The following DNAI7 variants were observed in gnomAD, a reference collection of about 807,000 sequenced individuals.
The protein encoded by DNAI7 is dynein axonemal intermediate chain 7.
DNAI7 carries 78 observed loss-of-function variants against 86.6 expected under a neutral mutation model. That is an observed-to-expected ratio of 0.90 (90% CI 0.75 to 1.09). DNAI7 has a LOEUF of 1.09. Ranked by LOEUF, DNAI7 falls within the 50% of genes least tolerant of loss-of-function variation. The pLI, the probability that DNAI7 is intolerant of heterozygous loss-of-function variation, is 0.00. For missense variants in DNAI7, 753 were observed against 810.2 expected, an observed-to-expected ratio of 0.93 and a Z score of 0.86; for synonymous variants, 274 against 273.0, an observed-to-expected ratio of 1.00 and a Z score of -0.04.
intron 9 of DNAI7, among the ~76,000 whole-genome samples, chr12:25,143,565 T>G (rs780824130): frequency 1.1e-4 from 16 of 152,208 alleles, no homozygotes; most frequent in Non-Finnish European, 2.1e-4. Context: ...ATTGAATTCT[T>G]AATAAATCAC....
At chr12:25,146,275 A>T (rs1445990481) in intron 8 of DNAI7, among the ~76,000 whole-genome samples, 6 of 3,684 alleles carry the variant, frequency 1.6e-3, no homozygotes, top group East Asian at 0.25. Flanking sequence ...AGATACATTA[A>T]AAAAAAAAAA....
At chr12:25,125,452 C>T (rs58105019) in intron 9 of DNAI7, among the ~76,000 whole-genome samples, 6,137 of 152,220 alleles carry the variant, frequency 0.04, 416 homozygotes, top group African/African-American at 0.13. Flanking sequence ...CCTTTGCCCA[C>T]TTTTTAATAG....
chr12:25,113,363 A>G (rs1939379727), intron 13 of DNAI7, among the ~76,000 whole-genome samples: 1 of 152,044 alleles, frequency 6.6e-6, no homozygotes, highest in Admixed American at 6.6e-5. Context: ...GTGCAGTGGC[A>G]CAATCTTGGC....
At chr12:25,175,577 A>G (rs1215580890) in intron 2 of DNAI7, among the ~76,000 whole-genome samples, 2 of 151,272 alleles carry the variant, frequency 1.3e-5, no homozygotes, top group African/African-American at 4.9e-5. Flanking sequence ...CAAACTCCTG[A>G]CCTCAAGTGA....
chr12:25,151,381 T>C (rs1372707690), intron 6 of DNAI7, among the ~76,000 whole-genome samples: 1 of 152,252 alleles, frequency 6.6e-6, no homozygotes, highest in Non-Finnish European at 1.5e-5. Flanking sequence ...GCCATTTCCT[T>C]CTGTTACTGC....
At chr12:25,136,794 A>G (rs1262717490) in intron 9 of DNAI7, among the ~76,000 whole-genome samples, 1 of 152,194 alleles carries the variant, frequency 6.6e-6, no homozygotes, top group Non-Finnish European at 1.5e-5. Context: ...CAATGGACCT[A>G]AACAAATAGA....
At chr12:25,154,571 C>T in intron 5 of DNAI7, 115 bp from the exon 6 acceptor site, 2 of 983,266 alleles carry the variant, frequency 2.0e-6, no homozygotes, top group Non-Finnish European at 3.0e-6. Flanking sequence ...TAGATAAAAA[C>T]ATGATGGCTT....
Position 25,108,492 on chromosome 12 carries a change from C to A in DNAI7, c.*56G>T. On this transcript the variant is annotated 3_prime_UTR_variant, in exon 16 of 16. Coordinates refer to ENST00000395987, the MANE Select transcript of DNAI7 (RefSeq NM_018272.5). The stretch of plus-strand genomic sequence containing the variant: ...CTCATTACATTGTGTTGCAGAAATA[C>A]CTGTCTTTCACCATGCTTGGTTCTT... The A allele has an allele frequency of 6.9e-7, 1 of 1,442,604 alleles. No homozygotes were observed. Among genetic ancestry groups the A allele is most frequent in the Non-Finnish European group, 9.4e-7 (1 of 1,059,042 alleles). The allele number at this position is 1,442,604 out of a possible 1,614,324, so 89.4% of individuals were successfully genotyped here.
chr12:25,169,963 T>C (rs1481211649), intron 2 of DNAI7, among the ~76,000 whole-genome samples: 1 of 151,186 alleles, frequency 6.6e-6, no homozygotes, highest in Non-Finnish European at 1.5e-5. Context: ...TCACATAAAG[T>C]AAAGGGGTGG....
intron 2 of DNAI7, among the ~76,000 whole-genome samples, chr12:25,174,395 T>TATATCATATATATATCC: frequency 6.0e-4 from 1 of 1,668 alleles, no homozygotes; most frequent in African/African-American, 6.0e-3. Flanking sequence ...ATGGGATATA[T>TATATCATATATATATCC]CATATATATG....
chr12:25,120,908 A>T (rs1941197052), intron 11 of DNAI7, among the ~76,000 whole-genome samples: 1 of 152,184 alleles, frequency 6.6e-6, no homozygotes, highest in Admixed American at 6.5e-5. Context: ...TTCAATATGC[A>T]TAGGAGTTAC....
At chr12:25,155,858 C>T (rs1946096422) in intron 4 of DNAI7, among the ~76,000 whole-genome samples, 1 of 152,128 alleles carries the variant, frequency 6.6e-6, no homozygotes, top group African/African-American at 2.4e-5. Flanking sequence ...GCCTGTAATC[C>T]CAGCACTTTG....
chr12:25,155,495 T>C (rs545400585), intron 4 of DNAI7, 83 bp from the exon 5 acceptor site: 65 of 615,194 alleles, frequency 1.1e-4, no homozygotes, highest in African/African-American at 8.9e-4. Flanking sequence ...CTGACGTGGC[T>C]AAATATATAA....
chr12:25,124,176 GC>G (rs1010327757), intron 9 of DNAI7, among the ~76,000 whole-genome samples: 2 of 151,974 alleles, frequency 1.3e-5, no homozygotes, highest in African/African-American at 4.8e-5. Context: ...GAAATTTAAA[GC>G]TAGTTATTCC....
rs772632417 is a variant in DNAI7 at position 25,147,088 on chromosome 12, G to T, written c.602C>A (p.Ala201Glu). The change falls in exon 8 of 16, where the codon GCA becomes GAA. Residue 201 changes from alanine to glutamate, a missense_variant. Transcript: ENST00000395987. ...TTCCATATTTCCACTGTCCAGATCT[G>T]CCAAAGTACTAGCTTGCTGTAAGAG... The part of the protein sequence containing the change: ...EILLKQASTL[A>E]DLDSGNMEKV... 2 of 1,585,970 alleles carry T rather than the reference G, an allele frequency of 1.3e-6. No individual in the cohort carries two copies. Among genetic ancestry groups the T allele is most frequent in the African/African-American group, 2.7e-5 (2 of 74,444 alleles).
At chr12:25,185,220 T>C (rs1949925140) in intron 2 of DNAI7, among the ~76,000 whole-genome samples, 1 of 152,168 alleles carries the variant, frequency 6.6e-6, no homozygotes, top group Admixed American at 6.6e-5. Context: ...ACTCAGGTTT[T>C]TTCCTGATAA....
intron 12 of DNAI7, among the ~76,000 whole-genome samples, chr12:25,118,134 A>G (rs1458585276): frequency 6.6e-6 from 1 of 151,698 alleles, no homozygotes; most frequent in Non-Finnish European, 1.5e-5. Flanking sequence ...GGGTTTCACT[A>G]TGTTGGCCAG....
In DNAI7 at chr12:25,161,167, C is replaced by A; in HGVS notation, c.52G>T (p.Ala18Ser). ...SGSKKKKVTK[A>S]ERLKLLQEEE... ...TCTTGTAGCAGCTTCAATCGTTCAG[C>A]TTTGGTGACTTTCTTTTTCTTACTG... Residue 18 changes from alanine (A) to serine (S), a missense_variant, in exon 3 of 16, where the codon GCT becomes TCT. Physicochemically the swap from Ala to Ser is moderately conservative, Grantham distance 99 (BLOSUM62 1). Coordinates refer to ENST00000395987, the MANE Select transcript of DNAI7 (RefSeq NM_018272.5). 1 of 1,613,928 alleles carries A rather than the reference C, an allele frequency of 6.2e-7. No individual in the cohort carries two copies. Among genetic ancestry groups the A allele is most frequent in the Non-Finnish European group, 8.5e-7 (1 of 1,179,922 alleles).
At chr12:25,122,212 C>A (rs1295918724) in intron 10 of DNAI7, among the ~76,000 whole-genome samples, 1 of 152,098 alleles carries the variant, frequency 6.6e-6, no homozygotes, top group Non-Finnish European at 1.5e-5. Flanking sequence ...ATGCCCACTA[C>A]TTTGCGAGGC....
Sources: gnomAD v4.1 joint callset for allele counts (sites outside exome capture counted in the v4.1 genomes callset) on GRCh38, gnomAD v4.1.1 for gene constraint, MANE v1.5 for transcripts, NCBI Gene and HGNC (gene_info 2026-07-23, HGNC 2026-07-21) for gene names.